The following LRRC4C variants were observed in gnomAD, a reference collection of about 807,000 sequenced individuals.
LRRC4C encodes leucine rich repeat containing 4C, also known as leucine-rich repeat-containing protein 4C.
Under a neutral mutation model 33.6 loss-of-function variants are expected in LRRC4C, and 5 were observed. The ratio of observed to expected loss-of-function variants is 0.15; its 90% CI spans 0.08 to 0.31. LRRC4C has a LOEUF of 0.31. Ranked by LOEUF, LRRC4C falls within the 10% of genes least tolerant of loss-of-function variation. The probability of loss-of-function intolerance (pLI) is 1.00; values close to 1 mark genes in which losing one functional copy is unlikely to be tolerated. For synonymous variants in LRRC4C, 329 were observed against 302.0 expected, an observed-to-expected ratio of 1.09 and a Z score of -0.93; for missense variants, 560 against 796.7, an observed-to-expected ratio of 0.70 and a Z score of 3.58.
chr11:40,931,875 T>C (rs187328809), intron 2 of LRRC4C, among the ~76,000 whole-genome samples: 5 of 152,218 alleles, frequency 3.3e-5, no homozygotes, highest in Admixed American at 3.3e-4. Context: ...TTACCAAAGG[T>C]AGTGCTAAAG....
At chr11:40,379,362 C>A (rs573724336) in intron 3 of LRRC4C, among the ~76,000 whole-genome samples, 6 of 152,090 alleles carry the variant, frequency 3.9e-5, no homozygotes, top group African/African-American at 1.4e-4. Context: ...GTTTTAAACC[C>A]AATTATTTCT....
At chr11:40,829,715 G>A (rs555423070) in intron 2 of LRRC4C, among the ~76,000 whole-genome samples, 34 of 151,966 alleles carry the variant, frequency 2.2e-4, no homozygotes, top group Middle Eastern at 6.8e-3. Context: ...TCATCAAATC[G>A]TTAATATTTC....
chr11:41,022,662 A>G (rs532796269), intron 1 of LRRC4C, among the ~76,000 whole-genome samples: 5 of 152,136 alleles, frequency 3.3e-5, no homozygotes, highest in Admixed American at 2.0e-4. Flanking sequence ...TAACCTGTCA[A>G]TGGTCATACT....
intron 1 of LRRC4C, among the ~76,000 whole-genome samples, chr11:41,434,811 C>A (rs1035148366): frequency 5.3e-5 from 8 of 152,166 alleles, no homozygotes; most frequent in African/African-American, 1.9e-4. Context: ...ATCTGTTCAG[C>A]TGTGGCTCAG....
intron 5 of LRRC4C, among the ~76,000 whole-genome samples, chr11:40,153,792 G>GT (rs1216656070): frequency 6.6e-6 from 1 of 152,092 alleles, no homozygotes; most frequent in Non-Finnish European, 1.5e-5. Context: ...AAGACTGGGA[G>GT]TATGTTAAAT....
At chr11:40,903,007 G>A (rs958169129) in intron 2 of LRRC4C, among the ~76,000 whole-genome samples, 3 of 152,182 alleles carry the variant, frequency 2.0e-5, no homozygotes, top group Non-Finnish European at 4.4e-5. Flanking sequence ...TTTCAATGTA[G>A]ATGAAACAGC....
intron 3 of LRRC4C, among the ~76,000 whole-genome samples, chr11:40,501,716 C>A (rs1954782408): frequency 6.6e-6 from 1 of 152,102 alleles, no homozygotes; most frequent in Admixed American, 6.6e-5. Flanking sequence ...TCCTCCTAGG[C>A]CTCTGGGTCT....
intron 1 of LRRC4C, among the ~76,000 whole-genome samples, chr11:41,103,221 T>C (rs565989312): frequency 2.1e-3 from 314 of 152,080 alleles, no homozygotes; most frequent in Non-Finnish European, 3.8e-3. Context: ...ATATTGGTAA[T>C]GATATCTTAA....
chr11:41,075,709 G>A (rs1031512546), intron 1 of LRRC4C, among the ~76,000 whole-genome samples: 20 of 151,776 alleles, frequency 1.3e-4, no homozygotes, highest in South Asian at 4.1e-4. Context: ...AGCATATTTC[G>A]TCCAAAGAGT....
chr11:40,398,124 A>G (rs890486938), intron 3 of LRRC4C, among the ~76,000 whole-genome samples: 2 of 152,164 alleles, frequency 1.3e-5, no homozygotes, highest in African/African-American at 4.8e-5. Flanking sequence ...AATGATTATA[A>G]TGTTGGAGAA....
At chr11:40,999,622 G>T (rs1445356192) in intron 1 of LRRC4C, among the ~76,000 whole-genome samples, 4 of 152,004 alleles carry the variant, frequency 2.6e-5, no homozygotes, top group Non-Finnish European at 5.9e-5. Flanking sequence ...TAAATCAAAA[G>T]TACTACATTT....
At chr11:40,991,788 C>T (rs745460083) in intron 1 of LRRC4C, among the ~76,000 whole-genome samples, 2 of 152,076 alleles carry the variant, frequency 1.3e-5, no homozygotes, top group Non-Finnish European at 2.9e-5. Context: ...CCTGCTGGTC[C>T]GACAGGAGGC....
At chr11:40,158,136 T>G (rs553619894) in intron 5 of LRRC4C, among the ~76,000 whole-genome samples, 1 of 152,136 alleles carries the variant, frequency 6.6e-6, no homozygotes, top group Non-Finnish European at 1.5e-5. Context: ...GATTGGAGAC[T>G]ATTATTCTAA....
chr11:41,133,378 C>A (rs1943105054), intron 1 of LRRC4C, among the ~76,000 whole-genome samples: 1 of 152,102 alleles, frequency 6.6e-6, no homozygotes, highest in Admixed American at 6.6e-5. Flanking sequence ...ACATTAATAG[C>A]ACCATCATTA....
chr11:41,308,522 A>C (rs1950563689), intron 1 of LRRC4C, among the ~76,000 whole-genome samples: 1 of 152,144 alleles, frequency 6.6e-6, no homozygotes, highest in East Asian at 1.9e-4. Flanking sequence ...GCCTATCTAC[A>C]GTCAACAAAA....
At position 41,118,067 on chromosome 11, in the gene LRRC4C, G is replaced by C. The variant is rs1942231173; in HGVS notation, c.-495-184344C>G. Among the ~76,000 whole-genome samples the C allele has an allele frequency of 2.0e-5, 3 of 152,098 alleles. No homozygotes were observed. In the South Asian group the frequency reaches 6.2e-4, roughly 31 times the overall value. ...TTCAATGGTCATTCCTTTATCATGT[G>C]TCAATGTATACATTACAAATGCATT... On this transcript the variant is annotated intron_variant, in intron 1 of 6. Transcript: ENST00000528697.
intron 1 of LRRC4C, among the ~76,000 whole-genome samples, chr11:41,425,168 T>C (rs1034156385): frequency 4.6e-5 from 7 of 152,108 alleles, no homozygotes. Context: ...TCATCATGAT[T>C]AATTTCATTA....
chr11:41,395,262 G>A (rs1323623141), intron 1 of LRRC4C, among the ~76,000 whole-genome samples: 1 of 151,954 alleles, frequency 6.6e-6, no homozygotes, highest in African/African-American at 2.4e-5. Context: ...AAGCTTCTTA[G>A]ATTGAAGCAA....
chr11:41,081,770 G>A (rs1939588699), intron 1 of LRRC4C, among the ~76,000 whole-genome samples: 1 of 152,034 alleles, frequency 6.6e-6, no homozygotes. Context: ...ATAGCATATA[G>A]GCTAATAATT....
Sources: allele counts gnomAD v4.1 joint callset (sites outside exome capture counted in the v4.1 genomes callset), GRCh38; gene constraint gnomAD v4.1.1; transcripts MANE v1.5; gene names NCBI Gene and HGNC (gene_info 2026-07-23, HGNC 2026-07-21).